The following CRACDL variants were observed in gnomAD, a reference collection of about 807,000 sequenced individuals.
CRACDL encodes the protein CRACD like, also known as CRACD-like protein.
In CRACDL, 26 loss-of-function variants were observed where a neutral mutation model predicts 70.6. The observed-to-expected ratio is 0.37, with a 90% CI of 0.27 to 0.51. The LOEUF is 0.51. Among genes scored for constraint, CRACDL ranks in the 20% least tolerant of loss-of-function variants. The probability of loss-of-function intolerance (pLI) is 0.94; values close to 1 mark genes in which losing one functional copy is unlikely to be tolerated. For synonymous variants in CRACDL, 618 were observed against 615.2 expected, an observed-to-expected ratio of 1.00 and a Z score of -0.07; for missense variants, 1,283 against 1,376.9, an observed-to-expected ratio of 0.93 and a Z score of 1.08.
At chr2:98,874,872 C>T (rs1029692072) in intron 1 of CRACDL, among the ~76,000 whole-genome samples, 1 of 152,156 alleles carries the variant, frequency 6.6e-6, no homozygotes, top group Non-Finnish European at 1.5e-5. Flanking sequence ...AACACAGACC[C>T]TCGGCTCATG....
chr2:98,907,984 G>A (rs1448112091), intron 1 of CRACDL, among the ~76,000 whole-genome samples: 2 of 152,218 alleles, frequency 1.3e-5, no homozygotes, highest in African/African-American at 4.8e-5. Context: ...AATTTTGCAA[G>A]GCATCAGGAG....
intron 6 of CRACDL, among the ~76,000 whole-genome samples, chr2:98,826,096 G>C (rs1259182644): frequency 6.6e-6 from 1 of 152,194 alleles, no homozygotes; most frequent in Non-Finnish European, 1.5e-5. Context: ...CGTCAGGTAG[G>C]GGAGAGGGAA....
chr2:98,888,353 T>G (rs894122934), intron 1 of CRACDL, among the ~76,000 whole-genome samples: 4 of 152,192 alleles, frequency 2.6e-5, no homozygotes, highest in Admixed American at 2.0e-4. Context: ...AAAGACATAA[T>G]GTGTATAACA....
chr2:98,851,878 T>C (rs1949424), intron 1 of CRACDL, among the ~76,000 whole-genome samples: 64,855 of 152,026 alleles, frequency 0.43, 14,657 homozygotes, highest in African/African-American at 0.58. Context: ...TTATGAGCAA[T>C]TGAAAGCAGA....
intron 1 of CRACDL, among the ~76,000 whole-genome samples, chr2:98,903,731 C>A (rs1343038240): frequency 2.0e-5 from 3 of 152,180 alleles, no homozygotes; most frequent in African/African-American, 7.2e-5. Context: ...CACAAGCTTC[C>A]CCCTCTAATT....
intron 1 of CRACDL, among the ~76,000 whole-genome samples, chr2:98,911,796 C>T (rs1475054626): frequency 6.6e-6 from 1 of 152,038 alleles, no homozygotes; most frequent in Admixed American, 6.6e-5. Flanking sequence ...TCCCAGTCTG[C>T]GGTGCTCACA....
rs1480251002 is a variant in CRACDL, at chr2:98,922,119, C to T, written c.-11+13819G>A. On this transcript the variant is annotated intron_variant, in intron 1 of 9. Transcript: ENST00000397899. ...TTTCTTTTTGAAGAAGGCATCACAGCTCAGTGTTTATCTTCCAACTAAAGA... is the reference window on the plus strand; with the variant it reads ...TTTCTTTTTGAAGAAGGCATCACAGTTCAGTGTTTATCTTCCAACTAAAGA... Among the ~76,000 whole-genome samples the T allele has an allele frequency of 3.2e-4, 49 of 152,014 alleles. 1 individual carries two copies. The highest frequency in any genetic ancestry group is 3.1e-3 in the Admixed American group (48 of 15,268).
At position 98,809,141 on chromosome 2, in the gene CRACDL, C is replaced by T. The variant is rs113487327; in HGVS notation, c.2417-11604G>A. On this transcript the variant is annotated intron_variant, in intron 7 of 9. Transcript: ENST00000397899. The stretch of plus-strand genomic sequence containing the variant: ...TGTGTAGCCTCTGGGCGAAGTGAGG[C>T]TATGACTCCTGAATGCAGGGTGTCT... Among the ~76,000 whole-genome samples the T allele has an allele frequency of 4.5e-3, 688 of 152,270 alleles. 3 individuals are homozygous for T. The highest frequency in any genetic ancestry group is 7.2e-3 in the Non-Finnish European group (488 of 68,018).
intron 1 of CRACDL, among the ~76,000 whole-genome samples, chr2:98,877,296 C>T (rs771731788): frequency 6.6e-5 from 10 of 152,112 alleles, no homozygotes; most frequent in East Asian, 1.9e-4. Context: ...GTTTGGGCTC[C>T]GATATCTAAC....
At chr2:98,874,116 A>T (rs539700839) in intron 1 of CRACDL, among the ~76,000 whole-genome samples, 2 of 152,342 alleles carry the variant, frequency 1.3e-5, no homozygotes, top group South Asian at 4.1e-4. Context: ...TGAGCACTTA[A>T]ATTACTTAGA....
intron 7 of CRACDL, among the ~76,000 whole-genome samples, chr2:98,805,880 T>TG (rs1238119527): frequency 1.3e-5 from 2 of 152,232 alleles, no homozygotes; most frequent in African/African-American, 4.8e-5. Flanking sequence ...CGCCTCCCGC[T>TG]GGGCCACATA....
chr2:98,860,014 C>A (rs1260037217), intron 1 of CRACDL, among the ~76,000 whole-genome samples: 1 of 151,914 alleles, frequency 6.6e-6, no homozygotes, highest in Admixed American at 6.5e-5. Context: ...TAGCAATGAA[C>A]AATCCACAGA....
At chr2:98,907,564 T>C (rs979152136) in intron 1 of CRACDL, among the ~76,000 whole-genome samples, 1 of 152,192 alleles carries the variant, frequency 6.6e-6, no homozygotes, top group Non-Finnish European at 1.5e-5. Flanking sequence ...CTGCCTGCAC[T>C]CTGATCTCGG....
chr2:98,902,427 C>G (rs936718186), intron 1 of CRACDL, among the ~76,000 whole-genome samples: 3 of 152,144 alleles, frequency 2.0e-5, no homozygotes, highest in Non-Finnish European at 2.9e-5. Flanking sequence ...GGACTCCAGC[C>G]ACGCCAGCAA....
intron 1 of CRACDL, among the ~76,000 whole-genome samples, chr2:98,862,636 C>A (rs12622254): frequency 0.03 from 4,507 of 152,108 alleles, 165 homozygotes; most frequent in South Asian, 0.17. Context: ...AGAACAATAA[C>A]TGAAATGAAA....
chr2:98,893,957 C>T (rs952650388), intron 1 of CRACDL, among the ~76,000 whole-genome samples: 5 of 152,118 alleles, frequency 3.3e-5, no homozygotes, highest in African/African-American at 7.2e-5. Flanking sequence ...TGGGCATGGG[C>T]GTGGGCATCA....
chr2:98,794,369 T>C lies in CRACDL; in HGVS notation c.*163A>G, dbSNP rs1332932019. On this transcript the variant is annotated 3_prime_UTR_variant, in exon 10 of 10. Transcript: ENST00000397899. Reference sequence around the variant, plus strand: ...GCCCAGGAGTATGGCTGTGTGTTTATCCTCTTTGTTTTGCCTGGTTCCTTC... The same window carrying C: ...GCCCAGGAGTATGGCTGTGTGTTTACCCTCTTTGTTTTGCCTGGTTCCTTC... 3.2e-6 allele frequency: 2 copies of C among 618,228 alleles called. No individual in the cohort carries two copies. Among genetic ancestry groups the C allele is most frequent in the Admixed American group, 5.7e-5 (2 of 34,958 alleles). 38.3% of individuals were successfully genotyped at this position (618,228 alleles called of 1,614,324 possible).
At chr2:98,839,357 C>A (rs977334642) in intron 2 of CRACDL, among the ~76,000 whole-genome samples, 2 of 152,218 alleles carry the variant, frequency 1.3e-5, no homozygotes, top group African/African-American at 4.8e-5. Flanking sequence ...GTGTTCTCAA[C>A]TTTATAATCG....
intron 1 of CRACDL, among the ~76,000 whole-genome samples, chr2:98,932,946 C>A (rs1207653303): frequency 1.3e-5 from 2 of 152,162 alleles, no homozygotes; most frequent in African/African-American, 4.8e-5. Flanking sequence ...CCGCTGTGCA[C>A]CCCACCTGGA....
Sources: allele counts gnomAD v4.1 joint callset (sites outside exome capture counted in the v4.1 genomes callset), GRCh38; gene constraint gnomAD v4.1.1; transcripts MANE v1.5; gene names NCBI Gene and HGNC (gene_info 2026-07-23, HGNC 2026-07-21).